The following SGCZ variants were observed in gnomAD, a reference collection of about 807,000 sequenced individuals.
SGCZ encodes the protein zeta-sarcoglycan.
SGCZ carries 40 observed loss-of-function variants against 41.3 expected under a neutral mutation model. The ratio of observed to expected loss-of-function variants is 0.97; its 90% confidence interval spans 0.75 to 1.26. SGCZ has a LOEUF of 1.26. Among genes scored for constraint, SGCZ ranks in the 50% most tolerant of loss-of-function variants. The pLI, the probability that SGCZ is intolerant of heterozygous loss-of-function variation, is 0.00. For missense variants in SGCZ, 552 were observed against 369.8 expected (o/e 1.49, Z -4.04); for synonymous variants, 206 against 137.5 (o/e 1.50, Z -3.49).
intron 1 of SGCZ, among the ~76,000 whole-genome samples, chr8:14,649,519 G>A (rs1405273311): frequency 1.3e-5 from 2 of 151,442 alleles, no homozygotes; most frequent in African/African-American, 4.9e-5. Flanking sequence ...ACAGGTCAAC[G>A]GAAGGAGCCT....
chr8:14,900,268 T>G (rs1033827554), intron 1 of SGCZ, among the ~76,000 whole-genome samples: 1 of 152,148 alleles, frequency 6.6e-6, no homozygotes, highest in African/African-American at 2.4e-5. Flanking sequence ...CAAAAAGTAC[T>G]GTCAGAATGT....
intron 2 of SGCZ, among the ~76,000 whole-genome samples, chr8:14,546,751 T>C (rs1243606135): frequency 6.6e-6 from 1 of 152,180 alleles, no homozygotes; most frequent in Non-Finnish European, 1.5e-5. Flanking sequence ...AGCACGGAGT[T>C]ATACCATGTA....
intron 1 of SGCZ, among the ~76,000 whole-genome samples, chr8:14,928,640 G>C (rs1051022919): frequency 6.6e-6 from 1 of 152,010 alleles, no homozygotes. Context: ...ATATTACTGG[G>C]GTCCTCAGTG....
At chr8:14,262,014 A>T (rs1431898878) in intron 3 of SGCZ, among the ~76,000 whole-genome samples, 2 of 152,198 alleles carry the variant, frequency 1.3e-5, no homozygotes, top group Non-Finnish European at 2.9e-5. Context: ...AAGCAATTTA[A>T]GCACGACAAA....
At chr8:14,783,978 T>C (rs1015062437) in intron 1 of SGCZ, among the ~76,000 whole-genome samples, 10 of 152,246 alleles carry the variant, frequency 6.6e-5, no homozygotes, top group African/African-American at 2.2e-4. Flanking sequence ...CAATTTCACA[T>C]ATGAGAGTTC....
intron 1 of SGCZ, among the ~76,000 whole-genome samples, chr8:15,185,232 T>G (rs2117096466): frequency 6.6e-6 from 1 of 152,348 alleles, no homozygotes; most frequent in Non-Finnish European, 1.5e-5. Context: ...GTCTGTCTTC[T>G]GCAGGATACT....
chr8:14,219,991 G>A (rs1806136463), intron 4 of SGCZ, among the ~76,000 whole-genome samples: 2 of 152,204 alleles, frequency 1.3e-5, no homozygotes, highest in South Asian at 2.1e-4. Flanking sequence ...TGTGTTGATT[G>A]TAATGGTTCT....
At chr8:15,035,071 G>A (rs9650354) in intron 1 of SGCZ, among the ~76,000 whole-genome samples, 80,790 of 151,648 alleles carry the variant, frequency 0.53, 22,584 homozygotes, top group Non-Finnish European at 0.62. Flanking sequence ...GTAGTCTACT[G>A]GTGGTATATA....
chr8:14,219,343 T>C (rs1253126954), intron 4 of SGCZ, among the ~76,000 whole-genome samples: 4 of 152,108 alleles, frequency 2.6e-5, no homozygotes, highest in African/African-American at 7.2e-5. Context: ...GCTCAACAAG[T>C]TGATGAGATG....
intron 1 of SGCZ, among the ~76,000 whole-genome samples, chr8:15,001,063 C>T (rs914658200): frequency 6.6e-6 from 1 of 152,184 alleles, no homozygotes; most frequent in African/African-American, 2.4e-5. Flanking sequence ...GGCTGAGTGA[C>T]ACTGCTGGGG....
chr8:15,173,699 G>C (rs921412112), intron 1 of SGCZ, among the ~76,000 whole-genome samples: 6 of 152,216 alleles, frequency 3.9e-5, no homozygotes, highest in East Asian at 3.9e-4. Context: ...AGTTGGAATG[G>C]TCATCAGGCA....
chr8:14,717,008 G>C (rs559088057), intron 1 of SGCZ, among the ~76,000 whole-genome samples: 16 of 152,136 alleles, frequency 1.1e-4, no homozygotes, highest in African/African-American at 3.4e-4. Context: ...AGCATGAAAG[G>C]TATGTAGTAA....
intron 1 of SGCZ, among the ~76,000 whole-genome samples, chr8:15,023,948 T>C (rs1205561933): frequency 6.6e-6 from 1 of 152,172 alleles, no homozygotes; most frequent in African/African-American, 2.4e-5. Flanking sequence ...AACAGTTAAA[T>C]AGAAGATTAT....
At position 14,722,483 on chromosome 8, in the gene SGCZ, T is replaced by C. The variant is rs116768252; in HGVS notation, c.40-167557A>G. Among the ~76,000 whole-genome samples, 1,466 of 152,190 alleles carry C rather than the reference T, an allele frequency of 9.6e-3. 18 individuals carry two copies. The highest frequency in any genetic ancestry group is 0.031 in the Middle Eastern group (9 of 294). ...AATAAAACAAAATATTGCAGGAATT[T>C]TCTTAATATGTTGACATACTTTTAT... On this transcript the variant is annotated intron_variant, in intron 1 of 7. Coordinates refer to ENST00000382080, the MANE Select transcript of SGCZ (RefSeq NM_139167.4).
chr8:15,070,864 A>G (rs1199271897), intron 1 of SGCZ, among the ~76,000 whole-genome samples: 1 of 152,184 alleles, frequency 6.6e-6, no homozygotes, highest in East Asian at 1.9e-4. Context: ...CTATAGAAAC[A>G]CTGAGGTGTT....
intron 1 of SGCZ, among the ~76,000 whole-genome samples, chr8:14,589,361 A>T (rs1805168377): frequency 6.8e-6 from 1 of 147,426 alleles, no homozygotes; most frequent in Non-Finnish European, 1.5e-5. Flanking sequence ...AAAAAAAAAA[A>T]ATAGAAATTT....
chr8:14,480,389 C>T (rs1332207149), intron 2 of SGCZ, among the ~76,000 whole-genome samples: 4 of 151,994 alleles, frequency 2.6e-5, no homozygotes, highest in Non-Finnish European at 5.9e-5. Flanking sequence ...TTGGCTAATT[C>T]TTCTCATCCT....
chr8:15,013,376 T>G (rs1250451788), intron 1 of SGCZ, among the ~76,000 whole-genome samples: 1 of 152,218 alleles, frequency 6.6e-6, no homozygotes, highest in Admixed American at 6.5e-5. Flanking sequence ...GCATGTATTT[T>G]ATTCCCATGA....
At chr8:14,097,539 A>G (rs2116968139) in intron 7 of SGCZ, among the ~76,000 whole-genome samples, 1 of 152,004 alleles carries the variant, frequency 6.6e-6, no homozygotes, top group East Asian at 1.9e-4. Context: ...AATAAGTGAA[A>G]TGTGCTAAGA....
Sources: gnomAD v4.1 joint callset for allele counts (sites outside exome capture counted in the v4.1 genomes callset) on GRCh38, gnomAD v4.1.1 for gene constraint, MANE v1.5 for transcripts, NCBI Gene and HGNC (gene_info 2026-07-23, HGNC 2026-07-21) for gene names.